CLYBL: variants seen among roughly 807,000 people sequenced by gnomAD.
CLYBL encodes citramalyl-CoA lyase, mitochondrial.
Under a neutral mutation model 38.9 loss-of-function variants are expected in CLYBL, and 31 were observed. The ratio of observed to expected loss-of-function variants is 0.80; its 90% CI spans 0.60 to 1.08. The LOEUF is 1.08. CLYBL is among the 50% of genes least tolerant of loss of function. The pLI is 0.00. For synonymous variants in CLYBL, 171 were observed against 158.6 expected (o/e 1.08, Z -0.59); for missense variants, 434 against 411.6 (o/e 1.05, Z -0.47).
At position 99,663,954 on chromosome 13, in the gene CLYBL, A is replaced by C. The variant is rs556586202; in HGVS notation, c.62+57197A>C. Among the ~76,000 whole-genome samples the C allele has an allele frequency of 2.8e-4, 43 of 152,384 alleles. No individual in the cohort carries two copies. The South Asian group carries it at 8.5e-3, about 30-fold the overall frequency. ...CAAATTTAATGAAACTTTAACAATC[A>C]GTACAATGTTTCTCCTTAAGAACTT... On this transcript the variant is annotated intron_variant, in intron 1 of 8. Coordinates refer to ENST00000339105, the MANE Select transcript of CLYBL (RefSeq NM_206808.5).
chr13:99,698,877 G>A (rs1029855540), intron 1 of CLYBL, among the ~76,000 whole-genome samples: 1 of 152,196 alleles, frequency 6.6e-6, no homozygotes, highest in Non-Finnish European at 1.5e-5. Flanking sequence ...TGTCCCAAGT[G>A]TGTCACCTTT....
intron 1 of CLYBL, among the ~76,000 whole-genome samples, chr13:99,748,697 T>C (rs1319765731): frequency 1.3e-5 from 2 of 151,488 alleles, no homozygotes; most frequent in African/African-American, 4.8e-5. Flanking sequence ...GCTTGGCCTC[T>C]CAAAGTGCTG....
intron 1 of CLYBL, among the ~76,000 whole-genome samples, chr13:99,620,311 T>C (rs2046773294): frequency 6.6e-6 from 1 of 152,192 alleles, no homozygotes; most frequent in Non-Finnish European, 1.5e-5. Context: ...GGTTCCCTGC[T>C]CACTTGGAAC....
intron 1 of CLYBL, among the ~76,000 whole-genome samples, chr13:99,716,400 T>C (rs141470154): frequency 1.1e-4 from 10 of 95,034 alleles, no homozygotes; most frequent in South Asian, 3.6e-4. Flanking sequence ...CTTTTCTTTT[T>C]TTTTTTTTTA....
At chr13:99,742,590 TAA>T (rs973273643) in intron 1 of CLYBL, among the ~76,000 whole-genome samples, 8 of 152,228 alleles carry the variant, frequency 5.3e-5, no homozygotes, top group Admixed American at 2.0e-4. Context: ...TAAAATCCTT[TAA>T]AAGATGATTT....
rs775220789 is a variant in CLYBL, at chr13:99,797,556, C to CTCTGTGTGTGTGTGTGTGTG, written c.249+24547_249+24548insCTGTGTGTGTGTGTGTGTGT. ...AAGATTTCTGTGTCTGCCATGTTAGCTGTTTGTGTGTGTGTGTGTGTGTGT... is the reference window on the plus strand; with the variant it reads ...AAGATTTCTGTGTCTGCCATGTTAGCTCTGTGTGTGTGTGTGTGTGTGTTTGTGTGTGTGTGTGTGTGTGT... On this transcript the variant is annotated intron_variant, in intron 2 of 8. Coordinates refer to ENST00000339105, the MANE Select transcript of CLYBL (RefSeq NM_206808.5). Among the ~76,000 whole-genome samples the CTCTGTGTGTGTGTGTGTGTG allele has an allele frequency of 1.9e-3, 72 of 37,510 alleles. No individual in the cohort carries two copies. The East Asian group carries it at 0.049, about 26-fold the overall frequency. 24.6% of individuals were successfully genotyped at this position (37,510 alleles called of 152,430 possible). A position where few individuals can be genotyped will look rare whatever the true frequency, so the allele number is the denominator to read the frequency against.
chr13:99,769,496 G>C lies in CLYBL; in HGVS notation c.63-3328G>C, dbSNP rs1013648995. Among the ~76,000 whole-genome samples, 6 of 152,122 alleles carry C rather than the reference G, an allele frequency of 3.9e-5. 1 individual carries two copies. In the South Asian group the frequency reaches 8.3e-4, roughly 21 times the overall value. ...CCCCAAACATTTCTTGGTATTTTTA[G>C]GGAAATGTATATGTTGCAAATTCTA... On this transcript the variant is annotated intron_variant, in intron 1 of 8. Transcript: ENST00000339105.
At chr13:99,901,913 G>A (rs961609970), downstream of CLYBL, among the ~76,000 whole-genome samples, 3 of 152,062 alleles carry the variant, frequency 2.0e-5, no homozygotes, top group Admixed American at 6.5e-5. Context: ...ACCCACCTTG[G>A]CCTCCCAAAG....
intron 1 of CLYBL, among the ~76,000 whole-genome samples, chr13:99,732,830 C>T (rs922866426): frequency 5.9e-5 from 9 of 152,112 alleles, no homozygotes; most frequent in Admixed American, 1.3e-4. Context: ...AAAATACATC[C>T]GCTTTCTTTG....
At chr13:99,894,223 G>A (rs2152134324), downstream of CLYBL, 1 of 152,470 alleles carries the variant, frequency 6.6e-6, no homozygotes, top group East Asian at 1.9e-4. Context: ...GGTGGGCCCA[G>A]GTACCCTGGG....
intron 2 of CLYBL, among the ~76,000 whole-genome samples, chr13:99,832,212 T>C (rs1367471253): frequency 6.6e-6 from 1 of 152,244 alleles, no homozygotes; most frequent in Non-Finnish European, 1.5e-5. Context: ...GATGGTTGAC[T>C]CCCATTAGGG....
intron 1 of CLYBL, among the ~76,000 whole-genome samples, chr13:99,744,532 G>C (rs941316261): frequency 3.3e-5 from 5 of 152,172 alleles, no homozygotes; most frequent in African/African-American, 1.2e-4. Context: ...TGAAGGGACT[G>C]GTTTTGGGAT....
Position 99,739,439 on chromosome 13 carries a change from G to T in CLYBL, c.63-33385G>T, listed in dbSNP as rs550025409. On this transcript the variant is annotated intron_variant, in intron 1 of 8. Coordinates refer to ENST00000339105, the MANE Select transcript of CLYBL (RefSeq NM_206808.5). ...CTGTTTTAGGACCACACTGGCCAGG[G>T]TGTCCCCCAAGGTGCCTTTCTGCCT... 5.3e-5 allele frequency among the ~76,000 whole-genome samples: 8 copies of T among 151,924 alleles called. No homozygotes were observed. The East Asian group carries it at 1.5e-3, about 29-fold the overall frequency.
intron 2 of CLYBL, among the ~76,000 whole-genome samples, chr13:99,815,003 G>A (rs1034049313): frequency 9.9e-5 from 15 of 152,138 alleles, no homozygotes; most frequent in Non-Finnish European, 1.8e-4. Context: ...CTTAGCTTGG[G>A]CAACAGATTG....
intron 1 of CLYBL, among the ~76,000 whole-genome samples, chr13:99,655,532 C>G (rs2139314639): frequency 6.6e-6 from 1 of 152,336 alleles, no homozygotes; most frequent in Middle Eastern, 3.4e-3. Flanking sequence ...GGCTGTGTTG[C>G]CACCTTGGTG....
intron 2 of CLYBL, among the ~76,000 whole-genome samples, chr13:99,822,538 C>T (rs1280318449): frequency 2.6e-5 from 4 of 152,202 alleles, no homozygotes; most frequent in Non-Finnish European, 4.4e-5. Flanking sequence ...AATCACGGGT[C>T]ACCCCAGCAG....
rs755108984 is a variant in CLYBL, at chr13:99,799,389, A to ACACACACACACG, written c.249+26383_249+26384insCACACACGCACA. On this transcript the variant is annotated intron_variant, in intron 2 of 8. Transcript: ENST00000339105. ...GATATACACACATTCACACACACACACACATACACACACACTTAATAGTAT... is the reference window on the plus strand; with the variant it reads ...GATATACACACATTCACACACACACACACACACACACGCACATACACACACACTTAATAGTAT... 1.5e-3 allele frequency among the ~76,000 whole-genome samples: 229 copies of ACACACACACACG among 152,100 alleles called. 1 individual carries two copies. The South Asian group carries it at 0.016, about 11-fold the overall frequency.
intron 2 of CLYBL, among the ~76,000 whole-genome samples, chr13:99,834,690 A>G (rs1251070936): frequency 1.3e-5 from 2 of 152,160 alleles, no homozygotes; most frequent in Non-Finnish European, 2.9e-5. Context: ...ACTCTCTGCC[A>G]CACAGGATGT....
At chr13:99,822,949 G>A (rs1006481447) in intron 2 of CLYBL, among the ~76,000 whole-genome samples, 5 of 152,144 alleles carry the variant, frequency 3.3e-5, no homozygotes, top group African/African-American at 1.2e-4. Context: ...TATGTAAGAT[G>A]AGGATTGAGC....
Sources: allele counts gnomAD v4.1 joint callset (sites outside exome capture counted in the v4.1 genomes callset), GRCh38; gene constraint gnomAD v4.1.1; transcripts MANE v1.5; gene names NCBI Gene and HGNC (gene_info 2026-07-23, HGNC 2026-07-21).